Variants in STK33 observed in about 807,000 individuals in gnomAD.
The protein encoded by STK33 is serine/threonine-protein kinase 33.
STK33 carries 52 observed loss-of-function variants against 58.0 expected under a neutral mutation model. The observed-to-expected ratio is 0.90, with a 90% CI of 0.72 to 1.13. STK33 has a LOEUF of 1.13. Among genes scored for constraint, STK33 ranks in the 50% most tolerant of loss-of-function variants. The pLI is 0.00. For synonymous variants in STK33, 215 were observed against 200.1 expected, an observed-to-expected ratio of 1.07 and a Z score of -0.63; for missense variants, 630 against 604.2, an observed-to-expected ratio of 1.04 and a Z score of -0.45.
chr11:8,441,985 A>G (rs1381309473), intron 11 of STK33, among the ~76,000 whole-genome samples: 1 of 150,998 alleles, frequency 6.6e-6, no homozygotes, highest in Non-Finnish European at 1.5e-5. Flanking sequence ...GTGCGTTTTT[A>G]TTTTAGAAAA....
At chr11:8,353,690 G>C in the STK33 span, among the ~76,000 whole-genome samples, 3 of 152,286 alleles carry the variant, frequency 2.0e-5, 1 homozygote, top group South Asian at 6.2e-4. Flanking sequence ...TCAAATAGAG[G>C]GGGTCTTCCT....
At chr11:8,490,427 G>C (rs1267305563) in intron 1 of STK33, among the ~76,000 whole-genome samples, 3 of 148,364 alleles carry the variant, frequency 2.0e-5, no homozygotes, top group Non-Finnish European at 4.5e-5. Flanking sequence ...AGCTTGAACT[G>C]GGCAGAGCGC....
chr11:8,338,658 G>A, the STK33 span, among the ~76,000 whole-genome samples: 2 of 152,106 alleles, frequency 1.3e-5, no homozygotes, highest in African/African-American at 4.8e-5. Flanking sequence ...TTGGCCAAAG[G>A]ATACCTGACT....
intron 1 of STK33, among the ~76,000 whole-genome samples, chr11:8,592,613 GT>G (rs113025958): frequency 8.5e-5 from 13 of 152,098 alleles, no homozygotes; most frequent in African/African-American, 2.9e-4. Flanking sequence ...TTTGGGAACT[GT>G]TTTTTTATTT....
At chr11:8,452,979 C>T in intron 10 of STK33, 73 bp from the exon 11 acceptor site, 1 of 1,300,280 alleles carries the variant, frequency 7.7e-7, no homozygotes, top group Non-Finnish European at 1.1e-6. Context: ...GATAAGACTT[C>T]ACATTGAATT....
chr11:8,589,956 G>A (rs1404290968), intron 1 of STK33, among the ~76,000 whole-genome samples: 1 of 152,158 alleles, frequency 6.6e-6, no homozygotes, highest in Non-Finnish European at 1.5e-5. Context: ...GCTCCTTAGA[G>A]CAAAGATAAG....
chr11:8,457,205 CA>C (rs1341876679), intron 9 of STK33, 135 bp downstream of exon 9: 5 of 740,900 alleles, frequency 6.7e-6, no homozygotes, highest in African/African-American at 5.4e-5. Flanking sequence ...AAAAAGGAAA[CA>C]TTTTTAACTA....
At chr11:8,416,855 C>T (rs1407288579) in intron 14 of STK33, among the ~76,000 whole-genome samples, 5 of 152,120 alleles carry the variant, frequency 3.3e-5, no homozygotes, top group Non-Finnish European at 7.4e-5. Flanking sequence ...GATATCAAGC[C>T]TGGACTAGGT....
rs144478205 is a variant in STK33, at chr11:8,457,372, G to C, written c.666C>G (p.Leu222=). 8 of 1,603,996 alleles carry C rather than the reference G, an allele frequency of 5.0e-6. No homozygotes were observed. Among genetic ancestry groups the C allele is most frequent in the Non-Finnish European group, 6.8e-6 (8 of 1,172,968 alleles). ...ENETRWIIQS[L]ASAIAYLHNN... ...TGTGAAGATATGCTATAGCTGATGC[G>C]AGACTTTGAATGATCCACCTTGTCT... The change falls in exon 9 of 16, where the codon CTC becomes CTG. Residue 222 remains leucine (L), a synonymous_variant. Transcript: ENST00000687296.
intron 15 of STK33, among the ~76,000 whole-genome samples, chr11:8,401,367 G>A (rs908092726): frequency 1.3e-5 from 2 of 152,116 alleles, no homozygotes; most frequent in Non-Finnish European, 2.9e-5. Context: ...AAGAAATAGG[G>A]AAACGATTCC....
the STK33 span, among the ~76,000 whole-genome samples, chr11:8,337,308 G>T: frequency 5.9e-5 from 9 of 152,116 alleles, no homozygotes; most frequent in Non-Finnish European, 1.0e-4. Flanking sequence ...TTCTTCCTTT[G>T]TGCCACATAA....
At chr11:8,499,013 T>C (rs1369773940) in intron 1 of STK33, among the ~76,000 whole-genome samples, 2 of 152,130 alleles carry the variant, frequency 1.3e-5, no homozygotes, top group Non-Finnish European at 2.9e-5. Flanking sequence ...ATTCAGGACA[T>C]AGGCACGGGC....
At chr11:8,540,835 CTAAAGT>C (rs964306966) in intron 1 of STK33, among the ~76,000 whole-genome samples, 4 of 151,952 alleles carry the variant, frequency 2.6e-5, no homozygotes, top group African/African-American at 9.7e-5. Flanking sequence ...AACATGAGGA[CTAAAGT>C]TAATCAAATT....
intron 1 of STK33, among the ~76,000 whole-genome samples, chr11:8,517,884 G>C (rs2139691848): frequency 6.6e-6 from 1 of 152,260 alleles, no homozygotes; most frequent in Middle Eastern, 3.4e-3. Context: ...TGAAAGTGAA[G>C]GGAAGAATGG....
intron 1 of STK33, among the ~76,000 whole-genome samples, chr11:8,583,950 C>T (rs180934480): frequency 3.6e-4 from 55 of 152,060 alleles, no homozygotes; most frequent in African/African-American, 1.2e-3. Flanking sequence ...CTGAGTATAA[C>T]GAATACAGCT....
intron 14 of STK33, among the ~76,000 whole-genome samples, chr11:8,420,219 C>G (rs1941717535): frequency 1.3e-5 from 2 of 152,162 alleles, no homozygotes; most frequent in African/African-American, 4.8e-5. Context: ...CCCAAAAAAT[C>G]ACCAAACATG....
At chr11:8,561,137 A>G (rs11041985) in intron 1 of STK33, among the ~76,000 whole-genome samples, 81,503 of 152,056 alleles carry the variant, frequency 0.54, 21,996 homozygotes, top group South Asian at 0.65. Flanking sequence ...CATATGCCCT[A>G]TCAACCCCTT....
chr11:8,416,834 T>A (rs554432801), intron 14 of STK33, among the ~76,000 whole-genome samples: 7 of 152,176 alleles, frequency 4.6e-5, no homozygotes, highest in Admixed American at 4.6e-4. Context: ...TTGCCTCCTA[T>A]ACTCACTTGT....
the STK33 span, among the ~76,000 whole-genome samples, chr11:8,370,248 AGT>A: frequency 6.6e-6 from 1 of 151,780 alleles, no homozygotes; most frequent in Non-Finnish European, 1.5e-5. Context: ...CCCAGGCTGG[AGT>A]ATAGTGGCAC....
Sources: allele counts gnomAD v4.1 joint callset (sites outside exome capture counted in the v4.1 genomes callset), GRCh38; gene constraint gnomAD v4.1.1; transcripts MANE v1.5; gene names NCBI Gene and HGNC (gene_info 2026-07-23, HGNC 2026-07-21).